Variants in ARID2 observed in about 807,000 individuals in gnomAD.
ARID2 encodes the protein AT-rich interactive domain-containing protein 2.
Under a neutral mutation model 184.6 loss-of-function variants are expected in ARID2, and 32 were observed. The ratio of observed to expected loss-of-function variants is 0.17; its 90% CI spans 0.13 to 0.23. The LOEUF is 0.23. Ranked by LOEUF, ARID2 falls within the 10% of genes least tolerant of loss-of-function variation. The pLI is 1.00. For synonymous variants in ARID2, 836 were observed against 772.6 expected (o/e 1.08, Z -1.36); for missense variants, 1,696 against 2,197.6 (o/e 0.77, Z 4.56).
intron 6 of ARID2, among the ~76,000 whole-genome samples, chr12:45,830,501 GATCTTCAAAGTTTTCACC>G (rs1943097086): frequency 1.3e-5 from 2 of 152,038 alleles, no homozygotes; most frequent in African/African-American, 2.4e-5. Context: ...GAAGGTATTA[GATCTTCAAAGTTTTCACC>G]ATGATACAGA....
chr12:45,885,903 C>T (rs1944178959), intron 16 of ARID2, among the ~76,000 whole-genome samples: 1 of 152,152 alleles, frequency 6.6e-6, no homozygotes, highest in African/African-American at 2.4e-5. Flanking sequence ...ATGGGAACTA[C>T]AATTCAAGGT....
chr12:45,906,127 A>G lies in ARID2; in HGVS notation c.*1049A>G, dbSNP rs939176412. 8.2e-5 allele frequency: 19 copies of G among 232,606 alleles called. No homozygotes were observed. The East Asian group carries it at 1.2e-3, about 14-fold the overall frequency. The allele number at this position is 232,606 out of a possible 1,614,324, so 14.4% of individuals were successfully genotyped here. Reference sequence around the variant, plus strand: ...GTGTACAAGCTCAGAGCTTGGACAGAATTTTTTGTATTTGTAAATTGGTTT... The same window carrying G: ...GTGTACAAGCTCAGAGCTTGGACAGGATTTTTTGTATTTGTAAATTGGTTT... On this transcript the variant is annotated 3_prime_UTR_variant, in exon 21 of 21. Transcript: ENST00000334344.
At chr12:45,763,976 A>C (rs896061011) in intron 3 of ARID2, among the ~76,000 whole-genome samples, 1 of 152,144 alleles carries the variant, frequency 6.6e-6, no homozygotes, top group African/African-American at 2.4e-5. Context: ...CTGTTTATTC[A>C]TTGTGTGCTT....
At chr12:45,824,641 A>T (rs554319952) in intron 6 of ARID2, among the ~76,000 whole-genome samples, 126 of 152,148 alleles carry the variant, frequency 8.3e-4, no homozygotes, top group African/African-American at 2.9e-3. Flanking sequence ...TGCTGGTAAT[A>T]ATGTGGATAA....
chr12:45,809,063 C>T (rs1342556268), intron 3 of ARID2, among the ~76,000 whole-genome samples: 1 of 152,096 alleles, frequency 6.6e-6, no homozygotes, highest in Non-Finnish European at 1.5e-5. Context: ...CTGCACCCAC[C>T]CTAAAAAACA....
chr12:45,904,689 C>CAAAAAAAAAAAAAAAAAAAAAAAAAA, intron 20 of ARID2, among the ~76,000 whole-genome samples: 1 of 35,686 alleles, frequency 2.8e-5, no homozygotes, highest in Non-Finnish European at 7.2e-5. Context: ...GACTCCTTCT[C>CAAAAAAAAAAAAAAAAAAAAAAAAAA]AAAAAAAAAA....
chr12:45,840,352 T>C (rs1592111373), intron 11 of ARID2: 1 of 152,218 alleles, frequency 6.6e-6, no homozygotes, highest in Non-Finnish European at 1.5e-5. Flanking sequence ...CTGTGTAGAA[T>C]GAATTTCTTC....
intron 3 of ARID2, among the ~76,000 whole-genome samples, chr12:45,792,100 C>G (rs1049865141): frequency 6.6e-6 from 1 of 151,820 alleles, no homozygotes; most frequent in South Asian, 2.1e-4. Flanking sequence ...CCTTTTATTC[C>G]CTTCTATTTT....
At chr12:45,794,144 G>A (rs910635287) in intron 3 of ARID2, among the ~76,000 whole-genome samples, 10 of 152,112 alleles carry the variant, frequency 6.6e-5, no homozygotes. Context: ...ATCAGAACAC[G>A]TTTCTGTTCA....
intron 3 of ARID2, among the ~76,000 whole-genome samples, chr12:45,772,767 T>C (rs973922096): frequency 1.3e-5 from 2 of 152,126 alleles, no homozygotes; most frequent in Non-Finnish European, 2.9e-5. Context: ...AAGCAAAAAC[T>C]GATAAAGGGA....
chr12:45,883,906 C>T (rs575354592), intron 16 of ARID2, among the ~76,000 whole-genome samples: 5 of 152,156 alleles, frequency 3.3e-5, no homozygotes, highest in South Asian at 2.1e-4. Flanking sequence ...ACGTACTTTG[C>T]GCTATGTGCA....
chr12:45,782,625 C>T (rs1228372078), intron 3 of ARID2, among the ~76,000 whole-genome samples: 2 of 151,052 alleles, frequency 1.3e-5, no homozygotes, highest in African/African-American at 2.5e-5. Flanking sequence ...GAGCGAGACT[C>T]TGTCTCAAAA....
intron 3 of ARID2, among the ~76,000 whole-genome samples, chr12:45,784,636 C>T (rs1348873427): frequency 6.6e-6 from 1 of 152,064 alleles, no homozygotes; most frequent in Non-Finnish European, 1.5e-5. Flanking sequence ...TGCACTCCAG[C>T]CTGAGTGACA....
intron 20 of ARID2, chr12:45,893,964 C>G: frequency 3.4e-6 from 1 of 292,068 alleles, no homozygotes; most frequent in Non-Finnish European, 6.2e-6. Context: ...TCTTACTGAC[C>G]ATATAATTTA....
In ARID2 at chr12:45,907,727, T is replaced by C. The variant is rs975190354; in HGVS notation, c.*2649T>C. ...GTATTGTTATTTTTGTCTAAAGTTC[T>C]GTAAATACATGCTTTAATGTTATCT... is the stretch of plus-strand genomic sequence containing the variant. On this transcript the variant is annotated 3_prime_UTR_variant, in exon 21 of 21. Transcript: ENST00000334344. 1 of 233,018 alleles carries C rather than the reference T, an allele frequency of 4.3e-6. No homozygotes were observed. Among genetic ancestry groups the C allele is most frequent in the Admixed American group, 5.6e-5 (1 of 17,758 alleles). The allele number at this position is 233,018 out of a possible 1,614,324, so 14.4% of individuals were successfully genotyped here.
At chr12:45,736,356 GAAA>G (rs201995453) in intron 3 of ARID2, among the ~76,000 whole-genome samples, 3 of 120,628 alleles carry the variant, frequency 2.5e-5, no homozygotes, top group African/African-American at 6.1e-5. Context: ...GACTCCGTCT[GAAA>G]AAAAAAAAAA....
chr12:45,787,332 C>T (rs1053772669), intron 3 of ARID2, among the ~76,000 whole-genome samples: 6 of 151,812 alleles, frequency 4.0e-5, no homozygotes, highest in Non-Finnish European at 8.8e-5. Flanking sequence ...ATCCTCCTGC[C>T]TCAGCCTCCT....
chr12:45,824,866 C>CATAT (rs202172861), intron 6 of ARID2, among the ~76,000 whole-genome samples: 133 of 145,906 alleles, frequency 9.1e-4, no homozygotes, highest in African/African-American at 3.2e-3. Context: ...TATATATATA[C>CATAT]ATATATATAT....
At chr12:45,882,039 G>C in intron 16 of ARID2, 1 of 171,890 alleles carries the variant, frequency 5.8e-6, no homozygotes. Flanking sequence ...TCAGGTTCTA[G>C]GTGCTCCTTA....
Sources: gnomAD v4.1 joint callset for allele counts (sites outside exome capture counted in the v4.1 genomes callset) on GRCh38, gnomAD v4.1.1 for gene constraint, MANE v1.5 for transcripts, NCBI Gene and HGNC (gene_info 2026-07-23, HGNC 2026-07-21) for gene names.